Variants in CTNNA3 observed in about 807,000 individuals in gnomAD.
The protein encoded by CTNNA3 is catenin alpha 3.
A neutral mutation model predicts 95.7 loss-of-function variants in CTNNA3; 76 were observed. That is an observed-to-expected ratio of 0.79 (90% confidence interval 0.66 to 0.96). The LOEUF is 0.96. Among genes scored for constraint, CTNNA3 ranks in the 40% least tolerant of loss-of-function variants. CTNNA3 has a pLI of 0.00. For synonymous variants in CTNNA3, 431 were observed against 374.4 expected, an observed-to-expected ratio of 1.15 and a Z score of -1.74; for missense variants, 1,191 against 1,089.8, an observed-to-expected ratio of 1.09 and a Z score of -1.31.
intron 11 of CTNNA3, among the ~76,000 whole-genome samples, chr10:66,431,700 G>C (rs1589240569): frequency 1.4e-5 from 2 of 141,508 alleles, no homozygotes; most frequent in Non-Finnish European, 3.0e-5. Flanking sequence ...TGAACAATGA[G>C]AACACTTGGA....
intron 5 of CTNNA3, among the ~76,000 whole-genome samples, chr10:67,292,360 C>G (rs1017731852): frequency 6.6e-6 from 1 of 152,052 alleles, no homozygotes; most frequent in African/African-American, 2.4e-5. Flanking sequence ...AGGAGAAAGT[C>G]AAAGAAGCTT....
intron 5 of CTNNA3, among the ~76,000 whole-genome samples, chr10:67,425,893 C>A (rs1299669056): frequency 1.3e-5 from 2 of 152,058 alleles, no homozygotes; most frequent in Non-Finnish European, 2.9e-5. Context: ...ACCTCATATA[C>A]TCCTCCATGC....
intron 11 of CTNNA3, among the ~76,000 whole-genome samples, chr10:66,491,664 G>A (rs1360151439): frequency 2.0e-5 from 3 of 152,044 alleles, no homozygotes; most frequent in African/African-American, 7.2e-5. Flanking sequence ...GGAAAAATTT[G>A]TCTTTTTGTA....
At chr10:65,984,170 A>T (rs2078378989) in intron 16 of CTNNA3, among the ~76,000 whole-genome samples, 1 of 151,414 alleles carries the variant, frequency 6.6e-6, no homozygotes, top group South Asian at 2.1e-4. Flanking sequence ...TATTAAATTG[A>T]TCAAAAGAGA....
At position 67,184,051 on chromosome 10, in the gene CTNNA3, T is replaced by G. The variant is rs150646554; in HGVS notation, c.844-3531A>C. ...CAAATCTTGCAAAATTGCCCTTGTT[T>G]AATAAGAGGAATGAGCACAAGTATT... On this transcript the variant is annotated intron_variant, in intron 6 of 17. Transcript: ENST00000433211. Among the ~76,000 whole-genome samples the G allele has an allele frequency of 1.2e-3, 186 of 152,274 alleles. 1 individual carries two copies. The highest frequency in any genetic ancestry group is 4.3e-3 in the African/African-American group (180 of 41,552).
intron 9 of CTNNA3, among the ~76,000 whole-genome samples, chr10:66,670,852 T>A (rs1428929906): frequency 6.6e-6 from 1 of 152,176 alleles, no homozygotes; most frequent in Non-Finnish European, 1.5e-5. Context: ...AAATTGGCAG[T>A]TTGATTTATA....
chr10:67,070,765 GA>G (rs995511048), intron 7 of CTNNA3, among the ~76,000 whole-genome samples: 2 of 151,366 alleles, frequency 1.3e-5, no homozygotes, highest in African/African-American at 2.4e-5. Context: ...AGAAAGAAAA[GA>G]AAAAAAAGAA....
intron 5 of CTNNA3, among the ~76,000 whole-genome samples, chr10:67,298,894 T>C (rs1840151782): frequency 6.6e-6 from 1 of 152,024 alleles, no homozygotes; most frequent in Non-Finnish European, 1.5e-5. Flanking sequence ...ATTAAACAAA[T>C]ATGTAGTAGG....
chr10:67,719,763 G>T (rs1841167067), intron 1 of CTNNA3, among the ~76,000 whole-genome samples: 1 of 152,098 alleles, frequency 6.6e-6, no homozygotes, highest in African/African-American at 2.4e-5. Context: ...GTGCTGAGAA[G>T]AATGTATATT....
intron 5 of CTNNA3, among the ~76,000 whole-genome samples, chr10:67,236,744 G>T (rs1865480750): frequency 6.6e-6 from 1 of 151,730 alleles, no homozygotes; most frequent in South Asian, 2.1e-4. Context: ...CATCACTAAT[G>T]ATCAGGGAAA....
At chr10:66,028,238 C>T (rs576959069) in intron 15 of CTNNA3, among the ~76,000 whole-genome samples, 6 of 152,214 alleles carry the variant, frequency 3.9e-5, no homozygotes, top group Non-Finnish European at 8.8e-5. Flanking sequence ...CAGCCATCCC[C>T]ATTACTGGGT....
intron 15 of CTNNA3, among the ~76,000 whole-genome samples, chr10:66,037,752 C>T (rs1199768841): frequency 1.3e-5 from 2 of 152,148 alleles, no homozygotes; most frequent in Non-Finnish European, 2.9e-5. Flanking sequence ...AAATAAATGC[C>T]GTTCAGGAAA....
At chr10:67,224,355 G>T (rs778934851) in intron 5 of CTNNA3, among the ~76,000 whole-genome samples, 1 of 152,102 alleles carries the variant, frequency 6.6e-6, no homozygotes, top group African/African-American at 2.4e-5. Context: ...ATCTTTCTGT[G>T]CCGGGCTTAT....
intron 1 of CTNNA3, among the ~76,000 whole-genome samples, chr10:67,756,920 G>T (rs1387181487): frequency 6.6e-6 from 1 of 151,992 alleles, no homozygotes; most frequent in Non-Finnish European, 1.5e-5. Context: ...ATAGGGGAAA[G>T]GACTAAAAGA....
chr10:66,407,048 T>C (rs978076652), intron 11 of CTNNA3, among the ~76,000 whole-genome samples: 1 of 152,100 alleles, frequency 6.6e-6, no homozygotes, highest in Non-Finnish European at 1.5e-5. Context: ...GCTCCTCTGA[T>C]ACTAATAAAT....
Position 67,503,924 on chromosome 10 carries a change from A to G in CTNNA3, c.579+17918T>C, listed in dbSNP as rs565666826. Among the ~76,000 whole-genome samples the G allele has an allele frequency of 3.6e-3, 539 of 151,376 alleles. 2 individuals carry two copies. Among genetic ancestry groups the G allele is most frequent in the Admixed American group, 7.6e-3 (115 of 15,190 alleles). ...TGTAATCCCAGCACTTTGGGAGGCC[A>G]AGGCGGGCGGATCACAAGGTCAGGA... On this transcript the variant is annotated intron_variant, in intron 5 of 17. Coordinates refer to ENST00000433211, the MANE Select transcript of CTNNA3 (RefSeq NM_013266.4).
At chr10:66,420,385 A>G (rs1413856382) in intron 11 of CTNNA3, among the ~76,000 whole-genome samples, 1 of 152,140 alleles carries the variant, frequency 6.6e-6, no homozygotes, top group Admixed American at 6.6e-5. Flanking sequence ...TTTCTACCCA[A>G]TTGAACAGAG....
chr10:66,241,768 A>G (rs565199266), intron 13 of CTNNA3, among the ~76,000 whole-genome samples: 1 of 152,258 alleles, frequency 6.6e-6, no homozygotes, highest in African/African-American at 2.4e-5. Context: ...ATTGTCTTAA[A>G]TATTAACCTA....
At chr10:67,293,850 C>A (rs1839932083) in intron 5 of CTNNA3, among the ~76,000 whole-genome samples, 1 of 152,080 alleles carries the variant, frequency 6.6e-6, no homozygotes, top group Admixed American at 6.6e-5. Context: ...ATGAACTCAT[C>A]ATTTTTTATG....
Sources: allele counts gnomAD v4.1 joint callset (sites outside exome capture counted in the v4.1 genomes callset), GRCh38; gene constraint gnomAD v4.1.1; transcripts MANE v1.5; gene names NCBI Gene and HGNC (gene_info 2026-07-23, HGNC 2026-07-21).